Variants in GABRB3 observed in about 807,000 individuals in gnomAD.
GABRB3 encodes gamma-aminobutyric acid receptor subunit beta-3.
Under a neutral mutation model 52.1 loss-of-function variants are expected in GABRB3, and 14 were observed. The ratio of observed to expected loss-of-function variants is 0.27; its 90% confidence interval spans 0.18 to 0.42. The LOEUF (loss-of-function observed/expected upper bound fraction) is 0.42, where lower values mean the gene tolerates loss of function less well. Ranked by LOEUF, GABRB3 falls within the 10% of genes least tolerant of loss-of-function variation. The pLI is 1.00. For missense variants in GABRB3, 307 were observed against 609.1 expected, an observed-to-expected ratio of 0.50 and a Z score of 5.22; for synonymous variants, 260 against 232.3, an observed-to-expected ratio of 1.12 and a Z score of -1.08.
Position 26,547,243 on chromosome 15 carries a change from A to G in GABRB3, c.*550T>C, listed in dbSNP as rs2912582. ...ACAAACCCCATCACCAGAGAAGCCA[A>G]GAAGCCTTTGCTTACTAAACTGAAC... On this transcript the variant is annotated 3_prime_UTR_variant, in exon 9 of 9. Coordinates refer to ENST00000311550, the MANE Select transcript of GABRB3 (RefSeq NM_000814.6). 0.022 allele frequency: 6,992 copies of G among 315,870 alleles called. 415 individuals carry two copies. The highest frequency in any genetic ancestry group is 0.13 in the African/African-American group (6,029 of 47,052). 19.6% of individuals were successfully genotyped at this position (315,870 alleles called of 1,614,324 possible). A position where few individuals can be genotyped will look rare whatever the true frequency, so the allele number is the denominator to read the frequency against.
rs571344281 is a variant in GABRB3 at position 26,667,527 on chromosome 15, G to C, written c.241-45993C>G. Among the ~76,000 whole-genome samples, 12 of 152,236 alleles carry C rather than the reference G, an allele frequency of 7.9e-5. No individual in the cohort carries two copies. In the South Asian group the frequency reaches 2.5e-3, roughly 32 times the overall value. ...GCGCTGGCTGTTTTAAAATGCATCA[G>C]CCTTCTACAAAAGGTGTGGTTTAAT... On this transcript the variant is annotated intron_variant, in intron 3 of 8. Transcript: ENST00000311550.
intron 3 of GABRB3, among the ~76,000 whole-genome samples, chr15:26,685,374 G>T (rs1393807654): frequency 6.6e-6 from 1 of 152,166 alleles, no homozygotes; most frequent in African/African-American, 2.4e-5. Context: ...AGGAATGGAG[G>T]CACGAATGGC....
intron 3 of GABRB3, among the ~76,000 whole-genome samples, chr15:26,738,532 A>G (rs1030627713): frequency 3.9e-5 from 6 of 152,152 alleles, no homozygotes; most frequent in Non-Finnish European, 8.8e-5. Flanking sequence ...AAACAATACA[A>G]TACATTGGCA....
At chr15:26,593,981 A>AAAATAT (rs371884854) in intron 4 of GABRB3, among the ~76,000 whole-genome samples, 1 of 133,972 alleles carries the variant, frequency 7.5e-6, no homozygotes, top group Admixed American at 7.4e-5. Flanking sequence ...CTCATTTTAA[A>AAAATAT]ATATATATAT....
intron 2 of GABRB3, 61 bp downstream of exon 2, chr15:26,772,620 C>G (rs1891182419): frequency 6.8e-6 from 10 of 1,468,646 alleles, no homozygotes; most frequent in African/African-American, 5.9e-5. Flanking sequence ...CGCCTCCCTC[C>G]GCCCAGGCCG....
At chr15:26,668,120 A>G (rs1390650314) in intron 3 of GABRB3, among the ~76,000 whole-genome samples, 1 of 152,160 alleles carries the variant, frequency 6.6e-6, no homozygotes, top group African/African-American at 2.4e-5. Context: ...AATGCAGGCC[A>G]TTCTCCATGA....
intron 3 of GABRB3, among the ~76,000 whole-genome samples, chr15:26,635,858 T>C (rs1893042666): frequency 2.0e-5 from 3 of 152,258 alleles, no homozygotes; most frequent in Admixed American, 2.0e-4. Flanking sequence ...AGCAAGTCTA[T>C]TCATTTCTGA....
chr15:26,657,639 A>G (rs1423964133), intron 3 of GABRB3, among the ~76,000 whole-genome samples: 2 of 152,232 alleles, frequency 1.3e-5, no homozygotes, highest in African/African-American at 4.8e-5. Context: ...AAACATGAGA[A>G]GCAGAAGTAT....
At chr15:26,589,739 T>C (rs887650871) in intron 4 of GABRB3, among the ~76,000 whole-genome samples, 2 of 152,152 alleles carry the variant, frequency 1.3e-5, no homozygotes, top group Admixed American at 6.5e-5. Flanking sequence ...CAGGACTTTA[T>C]TGCTCCTGTC....
chr15:26,760,649 C>A (rs527726442), intron 3 of GABRB3, among the ~76,000 whole-genome samples: 1 of 151,924 alleles, frequency 6.6e-6, no homozygotes, highest in East Asian at 1.9e-4. Context: ...GTTCTCCAGG[C>A]ATAAGGAGAA....
chr15:26,578,682 C>T lies in GABRB3; in HGVS notation c.682+1637G>A, dbSNP rs149731425. On this transcript the variant is annotated intron_variant, in intron 6 of 8. Transcript: ENST00000311550. ...GCAGTAAGAAATCCTCATAGCAGCA[C>T]GCTCATGGCCATTTCTGCAACTTTC... Among the ~76,000 whole-genome samples, 643 of 152,324 alleles carry T rather than the reference C, an allele frequency of 4.2e-3. 3 individuals are homozygous for T. Among genetic ancestry groups the T allele is most frequent in the Non-Finnish European group, 7.1e-3 (483 of 68,030 alleles).
Position 26,686,053 on chromosome 15 carries a change from T to C in GABRB3, c.241-64519A>G, listed in dbSNP as rs138905714. 3.6e-3 allele frequency among the ~76,000 whole-genome samples: 543 copies of C among 152,290 alleles called. 1 individual carries two copies. The highest frequency in any genetic ancestry group is 3.7e-3 in the Non-Finnish European group (249 of 68,010). On this transcript the variant is annotated intron_variant, in intron 3 of 8. Coordinates refer to ENST00000311550, the MANE Select transcript of GABRB3 (RefSeq NM_000814.6). ...CTCGAATTCCTGGCCTCAAGCTATC[T>C]TCCTTCAGCCTCCTGAGTAGCTGGG...
intron 3 of GABRB3, among the ~76,000 whole-genome samples, chr15:26,710,454 G>T (rs535282364): frequency 1.3e-5 from 2 of 152,216 alleles, no homozygotes; most frequent in East Asian, 3.9e-4. Flanking sequence ...TAGAGATGGG[G>T]TTTCTCCATG....
chr15:26,617,759 G>C (rs1021389144), intron 4 of GABRB3, among the ~76,000 whole-genome samples: 1 of 152,116 alleles, frequency 6.6e-6, no homozygotes, highest in Non-Finnish European at 1.5e-5. Context: ...TATATATCTA[G>C]AAAACCCCAC....
intron 3 of GABRB3, among the ~76,000 whole-genome samples, chr15:26,669,290 C>T (rs1275684442): frequency 6.6e-6 from 1 of 152,168 alleles, no homozygotes; most frequent in Admixed American, 6.5e-5. Context: ...AAAATTTAGA[C>T]AGCTTGGATT....
intron 3 of GABRB3, among the ~76,000 whole-genome samples, chr15:26,632,004 G>C (rs1246542298): frequency 6.6e-6 from 1 of 152,170 alleles, no homozygotes; most frequent in Non-Finnish European, 1.5e-5. Flanking sequence ...ATGGATCCAA[G>C]TACAATTAGA....
At chr15:26,764,991 G>A (rs1890956362) in intron 3 of GABRB3, among the ~76,000 whole-genome samples, 1 of 151,982 alleles carries the variant, frequency 6.6e-6, no homozygotes, top group African/African-American at 2.4e-5. Context: ...TTAGCTGGGT[G>A]TGGTGGCGGG....
chr15:26,745,218 G>A (rs1890306755), intron 3 of GABRB3, among the ~76,000 whole-genome samples: 1 of 152,140 alleles, frequency 6.6e-6, no homozygotes, highest in East Asian at 1.9e-4. Context: ...CCTTAACACT[G>A]GGGATTACAG....
chr15:26,610,440 G>C (rs1268184933), intron 4 of GABRB3, among the ~76,000 whole-genome samples: 3 of 152,176 alleles, frequency 2.0e-5, no homozygotes, highest in African/African-American at 7.2e-5. Flanking sequence ...AAATGTGTTG[G>C]TTGTTGCAGC....
Sources: allele counts gnomAD v4.1 joint callset (sites outside exome capture counted in the v4.1 genomes callset), GRCh38; gene constraint gnomAD v4.1.1; transcripts MANE v1.5; gene names NCBI Gene and HGNC (gene_info 2026-07-23, HGNC 2026-07-21).